Variants in PGAP1 observed in about 807,000 individuals in gnomAD.
PGAP1 encodes the protein GPI inositol-deacylase.
PGAP1 carries 76 observed loss-of-function variants against 127.0 expected under a neutral mutation model. The ratio of observed to expected loss-of-function variants is 0.60; its 90% CI spans 0.50 to 0.72. PGAP1 has a LOEUF of 0.72. Ranked by LOEUF, PGAP1 falls within the 30% of genes least tolerant of loss-of-function variation. PGAP1 has a pLI of 0.00. For synonymous variants in PGAP1, 362 were observed against 366.5 expected, an observed-to-expected ratio of 0.99 and a Z score of 0.14; for missense variants, 982 against 1,071.3, an observed-to-expected ratio of 0.92 and a Z score of 1.16.
chr2:196,899,356 T>C (rs189944704), intron 5 of PGAP1, among the ~76,000 whole-genome samples: 14 of 152,322 alleles, frequency 9.2e-5, no homozygotes, highest in Non-Finnish European at 1.8e-4. Context: ...ATAATGTATC[T>C]TTGGGTTCCA....
At chr2:196,882,436 T>C (rs1169880832) in intron 12 of PGAP1, among the ~76,000 whole-genome samples, 2 of 152,244 alleles carry the variant, frequency 1.3e-5, no homozygotes, top group Admixed American at 1.3e-4. Flanking sequence ...TAAATTGCTT[T>C]GGACAGTATG....
intron 20 of PGAP1, among the ~76,000 whole-genome samples, chr2:196,855,404 C>A (rs1247409824): frequency 6.6e-6 from 1 of 151,586 alleles, no homozygotes; most frequent in Non-Finnish European, 1.5e-5. Context: ...GCCACCACAC[C>A]TGTCCAATAA....
intron 2 of PGAP1, among the ~76,000 whole-genome samples, chr2:196,919,087 T>C (rs1342710048): frequency 6.6e-6 from 1 of 152,110 alleles, no homozygotes; most frequent in African/African-American, 2.4e-5. Context: ...TCCTCAAATG[T>C]CATCTCCTCA....
chr2:196,922,468 A>G (rs1177286748), intron 1 of PGAP1: 3 of 978,860 alleles, frequency 3.1e-6, no homozygotes, highest in Non-Finnish European at 3.6e-6. Context: ...CTCCATTAAA[A>G]AAAAAAAAAA....
At chr2:196,864,035 G>A (rs1312532300) in intron 20 of PGAP1, among the ~76,000 whole-genome samples, 3 of 152,152 alleles carry the variant, frequency 2.0e-5, no homozygotes, top group South Asian at 4.2e-4. Flanking sequence ...AATATCACAT[G>A]TACCCCATAA....
intron 7 of PGAP1, 146 bp downstream of exon 7, chr2:196,896,985 C>A (rs758124568): frequency 2.0e-5 from 9 of 460,838 alleles, no homozygotes; most frequent in Non-Finnish European, 3.5e-5. Context: ...AAGATATTTC[C>A]ATTTTGGAAC....
chr2:196,865,317 G>A (rs1369519669), intron 19 of PGAP1, among the ~76,000 whole-genome samples: 2 of 152,110 alleles, frequency 1.3e-5, no homozygotes, highest in Admixed American at 6.5e-5. Flanking sequence ...TAGCATATAT[G>A]TCCTGAAAAA....
intron 19 of PGAP1, among the ~76,000 whole-genome samples, chr2:196,870,432 G>A (rs1701375401): frequency 6.6e-6 from 1 of 151,904 alleles, no homozygotes; most frequent in Non-Finnish European, 1.5e-5. Context: ...GAGTAGCCAG[G>A]ACTACAGGTG....
intron 1 of PGAP1, 26 bp from the exon 2 acceptor site, chr2:196,920,176 C>G (rs1170010131): frequency 6.3e-7 from 1 of 1,585,414 alleles, no homozygotes; most frequent in Non-Finnish European, 8.6e-7. Flanking sequence ...AGTAGTTTCA[C>G]TTTAATCAGT....
chr2:196,852,562 A>G (rs1700753284), intron 20 of PGAP1, among the ~76,000 whole-genome samples: 1 of 152,016 alleles, frequency 6.6e-6, no homozygotes, highest in African/African-American at 2.4e-5. Context: ...GAGAAAAATT[A>G]TAAGAAAGGC....
chr2:196,875,972 G>T (rs180945386), intron 13 of PGAP1, 151 bp from the exon 14 acceptor site: 1 of 514,526 alleles, frequency 1.9e-6, no homozygotes, highest in East Asian at 3.2e-5. Flanking sequence ...CTATACTTAA[G>T]TGGCAAGAAT....
intron 1 of PGAP1, among the ~76,000 whole-genome samples, chr2:196,924,502 T>C (rs1337160654): frequency 6.6e-6 from 1 of 152,184 alleles, no homozygotes; most frequent in Admixed American, 6.5e-5. Context: ...ATTTGTAAGA[T>C]AACATGACCT....
At chr2:196,855,439 T>C (rs1025314895) in intron 20 of PGAP1, among the ~76,000 whole-genome samples, 1 of 151,894 alleles carries the variant, frequency 6.6e-6, no homozygotes. Flanking sequence ...AGATTTCTGA[T>C]AACTTTAAGA....
At chr2:196,861,984 A>G (rs549684125) in intron 20 of PGAP1, among the ~76,000 whole-genome samples, 1 of 151,558 alleles carries the variant, frequency 6.6e-6, no homozygotes, top group South Asian at 2.1e-4. Flanking sequence ...CACAAATTGT[A>G]CAGCATGTGT....
At chr2:196,922,896 T>C (rs1703248242) in intron 1 of PGAP1, among the ~76,000 whole-genome samples, 1 of 151,672 alleles carries the variant, frequency 6.6e-6, no homozygotes, top group African/African-American at 2.4e-5. Context: ...CGCCATGTTA[T>C]CCAGGCTGGT....
Position 196,836,320 on chromosome 2 carries a change from T to C in PGAP1, c.*4914A>G, listed in dbSNP as rs962956728. 1.4e-4 allele frequency: 22 copies of C among 152,576 alleles called. No homozygotes were observed. Among genetic ancestry groups the C allele is most frequent in the African/African-American group, 5.1e-4 (21 of 41,460 alleles). 9.5% of individuals were successfully genotyped at this position (152,576 alleles called of 1,614,324 possible). A position where few individuals can be genotyped will look rare whatever the true frequency, so the allele number is the denominator to read the frequency against. On this transcript the variant is annotated 3_prime_UTR_variant, in exon 27 of 27. Transcript: ENST00000354764. The stretch of plus-strand genomic sequence containing the variant: ...TCAACCGTAGACAATTAAGACAGCT[T>C]AGAATATCACCTTTTGAAGGACATG...
chr2:196,872,603 C>T (rs1376381825), intron 17 of PGAP1, 54 bp from the exon 18 acceptor site: 1 of 1,257,264 alleles, frequency 8.0e-7, no homozygotes, highest in Non-Finnish European at 1.2e-6. Context: ...GGTAAAGAGC[C>T]ATGGCTAAGT....
chr2:196,896,236 C>T (rs1702263467), intron 7 of PGAP1, among the ~76,000 whole-genome samples: 1 of 152,124 alleles, frequency 6.6e-6, no homozygotes. Flanking sequence ...AATCAAATTA[C>T]AGACAAGGTA....
chr2:196,904,272 C>T (rs1440763225), intron 4 of PGAP1, among the ~76,000 whole-genome samples: 6 of 152,178 alleles, frequency 3.9e-5, no homozygotes, highest in African/African-American at 1.4e-4. Context: ...CTAATTCGAT[C>T]CCGCATTGCA....
Sources: gnomAD v4.1 joint callset for allele counts (sites outside exome capture counted in the v4.1 genomes callset) on GRCh38, gnomAD v4.1.1 for gene constraint, MANE v1.5 for transcripts, NCBI Gene and HGNC (gene_info 2026-07-23, HGNC 2026-07-21) for gene names.